Variants in PIK3C2A observed in about 807,000 individuals in gnomAD.
PIK3C2A encodes phosphatidylinositol 4-phosphate 3-kinase C2 domain-containing subunit alpha.
A neutral mutation model predicts 204.5 loss-of-function variants in PIK3C2A; 97 were observed. The ratio of observed to expected loss-of-function variants is 0.47; its 90% confidence interval spans 0.40 to 0.56. PIK3C2A has a LOEUF of 0.56. PIK3C2A is among the 20% of genes least tolerant of loss of function. The probability of loss-of-function intolerance (pLI) is 0.00; values close to 1 mark genes in which losing one functional copy is unlikely to be tolerated. For missense variants in PIK3C2A, 1,735 were observed against 1,969.2 expected, an observed-to-expected ratio of 0.88 and a Z score of 2.25; for synonymous variants, 653 against 664.4, an observed-to-expected ratio of 0.98 and a Z score of 0.26.
chr11:17,200,496 A>AC (rs1277473238), intron 1 of PIK3C2A, among the ~76,000 whole-genome samples: 2 of 152,212 alleles, frequency 1.3e-5, no homozygotes, highest in Non-Finnish European at 2.9e-5. Flanking sequence ...GCCAGTCTCA[A>AC]AAGGCTATAT....
chr11:17,122,228 CT>C lies in PIK3C2A; in HGVS notation c.2616del (p.Lys874AsnfsTer40). On this transcript the variant is annotated frameshift_variant, in exon 15 of 33. Coordinates refer to ENST00000691414, the MANE Select transcript of PIK3C2A (RefSeq NM_002645.4). LOFTEE classifies it high-confidence loss of function. Reference sequence around the variant, plus strand: ...TTATGAAGAATATCAAGAAGTTTCCCTTTTATATCATTCTCTAGTGTTTCTA... The same window carrying C: ...TTATGAAGAATATCAAGAAGTTTCCCTTTATATCATTCTCTAGTGTTTCTA... ...HNLETLENDI[K>X]GKLLDILHKD... 3 of 1,569,504 alleles carry C rather than the reference CT, an allele frequency of 1.9e-6. No homozygotes were observed. The highest frequency in any genetic ancestry group is 2.6e-6 in the Non-Finnish European group (3 of 1,141,766).
At chr11:17,103,149 G>C (rs1021159574) in intron 23 of PIK3C2A, among the ~76,000 whole-genome samples, 5 of 151,358 alleles carry the variant, frequency 3.3e-5, no homozygotes, top group Admixed American at 2.0e-4. Context: ...GCACCTCTCT[G>C]ACTCTGCTGC....
chr11:17,199,052 G>A (rs1370584845), intron 1 of PIK3C2A, among the ~76,000 whole-genome samples: 1 of 151,588 alleles, frequency 6.6e-6, no homozygotes, highest in African/African-American at 2.4e-5. Context: ...CTGGGAGGCA[G>A]AGGTTGCAGT....
chr11:17,089,703 CT>C lies in PIK3C2A; in HGVS notation c.*34del, dbSNP rs749470322. On this transcript the variant is annotated 3_prime_UTR_variant, in exon 33 of 33. Coordinates refer to ENST00000691414, the MANE Select transcript of PIK3C2A (RefSeq NM_002645.4). The stretch of plus-strand genomic sequence containing the variant: ...TGCATGTATGCATGCACGTTTATAA[CT>C]GTTCATGCTTCCAAAGCTCAAACAT... 1.4e-6 allele frequency: 2 copies of C among 1,447,360 alleles called. No homozygotes were observed. The highest frequency in any genetic ancestry group is 1.9e-6 in the Non-Finnish European group (2 of 1,034,898). The allele number at this position is 1,447,360 out of a possible 1,614,324, so 89.7% of individuals were successfully genotyped here. A position where few individuals can be genotyped will look rare whatever the true frequency, so the allele number is the denominator to read the frequency against.
At chr11:17,143,677 G>A (rs1477556539) in intron 8 of PIK3C2A, among the ~76,000 whole-genome samples, 1 of 150,218 alleles carries the variant, frequency 6.7e-6, no homozygotes, top group Non-Finnish European at 1.5e-5. Context: ...AGTGGCTCAC[G>A]CCCAATTCCA....
chr11:17,108,878 T>C (rs1269595676), intron 22 of PIK3C2A, among the ~76,000 whole-genome samples: 1 of 152,186 alleles, frequency 6.6e-6, no homozygotes, highest in African/African-American at 2.4e-5. Flanking sequence ...GCTGAAGAAT[T>C]TGGAATTCAG....
chr11:17,114,574 G>A (rs1235866704), intron 19 of PIK3C2A, 109 bp from the exon 20 acceptor site: 2 of 577,252 alleles, frequency 3.5e-6, no homozygotes, highest in Admixed American at 2.7e-5. Context: ...GTCAAACGGT[G>A]AAAAAAAGGT....
At chr11:17,184,759 T>A (rs1851696451) in intron 1 of PIK3C2A, among the ~76,000 whole-genome samples, 1 of 151,962 alleles carries the variant, frequency 6.6e-6, no homozygotes, top group South Asian at 2.1e-4. Flanking sequence ...TGTAGCGAGA[T>A]CACCTTTCTC....
chr11:17,147,545 C>G lies in PIK3C2A; in HGVS notation c.1532G>C (p.Ser511Thr), dbSNP rs766256061. ...TCGGGCCAGATTTTGACACATTGCA[C>G]TGAAGGTCAAGAGTTGTAGTCTAAT... ...TEIRLQLLTF[S>T]AMCQNLARTA... The change falls in exon 6 of 33, where the codon AGT (serine) becomes ACT (threonine). Residue 511 changes from serine (S) to threonine (T), a missense_variant. By Grantham distance (58) the Ser-to-Thr change is moderately conservative. Coordinates refer to ENST00000691414, the MANE Select transcript of PIK3C2A (RefSeq NM_002645.4). 3.7e-6 allele frequency: 6 copies of G among 1,609,734 alleles called. No individual in the cohort carries two copies. Among genetic ancestry groups the G allele is most frequent in the Admixed American group, 3.3e-5 (2 of 60,006 alleles).
At chr11:17,187,233 G>C (rs181812850) in intron 1 of PIK3C2A, among the ~76,000 whole-genome samples, 1 of 152,174 alleles carries the variant, frequency 6.6e-6, no homozygotes, top group Admixed American at 6.6e-5. Flanking sequence ...ATTAGCACAT[G>C]AAGACTGGTA....
At chr11:17,112,536 T>C (rs773660393) in intron 21 of PIK3C2A, 38 bp downstream of exon 21, 1 of 965,242 alleles carries the variant, frequency 1.0e-6, no homozygotes, top group South Asian at 1.6e-5. Flanking sequence ...AAAAAATTTC[T>C]AAATTGCCAT....
chr11:17,184,613 C>T (rs969140180), intron 1 of PIK3C2A, among the ~76,000 whole-genome samples: 8 of 152,204 alleles, frequency 5.3e-5, no homozygotes, highest in African/African-American at 1.9e-4. Context: ...AAAAAGGTTA[C>T]AGTAAGCTAA....
intron 30 of PIK3C2A, 51 bp from the exon 31 acceptor site, chr11:17,091,707 C>A: frequency 8.2e-7 from 1 of 1,224,574 alleles, no homozygotes; most frequent in African/African-American, 1.5e-5. Context: ...GTGGTTCAAG[C>A]TGCAATAAAA....
At position 17,122,193 on chromosome 11, in the gene PIK3C2A, T is replaced by C. The variant is rs1367003147; in HGVS notation, c.2652A>G (p.Ser884=). The part of the protein sequence containing the change: ...KLLDILHKDS[S]LGLSKEDKAF... ...ACAGAATAAACAGAACATACCCAAG[T>C]GATGAGTCTTTATGAAGAATATCAA... Residue 884 remains serine, a synonymous_variant, in exon 15 of 33, where the codon TCA becomes TCG. Coordinates refer to ENST00000691414, the MANE Select transcript of PIK3C2A (RefSeq NM_002645.4). 6.3e-7 allele frequency: 1 copy of C among 1,582,014 alleles called. No individual in the cohort carries two copies. The highest frequency in any genetic ancestry group is 8.7e-7 in the Non-Finnish European group (1 of 1,154,084).
rs955377358 is a variant in PIK3C2A, at chr11:17,089,155, T to C, written c.*583A>G. ...TTACAACATCAGTGATTGGCACTTA[T>C]TCTGAAAAAGGCTTTAAAGACATGA... On this transcript the variant is annotated 3_prime_UTR_variant, in exon 33 of 33. Transcript: ENST00000691414. The C allele has an allele frequency of 3.3e-5, 5 of 152,228 alleles. No individual in the cohort carries two copies. The highest frequency in any genetic ancestry group is 1.2e-4 in the African/African-American group (5 of 41,462). The allele number at this position is 152,228 out of a possible 1,614,324, so 9.4% of individuals were successfully genotyped here.
At chr11:17,092,424 T>C (rs914063896) in intron 28 of PIK3C2A, 148 bp from the exon 29 acceptor site, 10 of 603,724 alleles carry the variant, frequency 1.7e-5, no homozygotes, top group Non-Finnish European at 2.6e-5. Flanking sequence ...TCATGGCCTT[T>C]GGGAGGCCAA....
At position 17,168,916 on chromosome 11, in the gene PIK3C2A, G is replaced by C. The variant is rs1331004977; in HGVS notation, c.826C>G (p.Leu276Val). ...ACATTATCCACCTTAGGCTTACTTA[G>C]AGGATCCAAGTCTAACCAGTCAAAT... ...SKFDWLDLDP[L>V]SKPKVDNVEV... The change falls in exon 2 of 33, where the codon CTA (leucine) becomes GTA (valine). Residue 276 changes from leucine (L) to valine (V), a missense_variant. Leu to Val is a conservative substitution (Grantham distance 32, BLOSUM62 1). Transcript: ENST00000691414. 8 of 1,613,956 alleles carry C rather than the reference G, an allele frequency of 5.0e-6. No individual in the cohort carries two copies. Among genetic ancestry groups the C allele is most frequent in the South Asian group, 1.1e-5 (1 of 91,082 alleles).
chr11:17,149,055 G>A (rs1850345815), intron 4 of PIK3C2A, among the ~76,000 whole-genome samples: 1 of 151,860 alleles, frequency 6.6e-6, no homozygotes, highest in South Asian at 2.1e-4. Context: ...CACCAATCTT[G>A]GAACAAAAAT....
chr11:17,181,409 C>A (rs1369635281), intron 1 of PIK3C2A, among the ~76,000 whole-genome samples: 2 of 151,408 alleles, frequency 1.3e-5, no homozygotes, highest in Non-Finnish European at 2.9e-5. Flanking sequence ...CAAATGGATC[C>A]ACTAGAGTTG....
Sources: allele counts gnomAD v4.1 joint callset (sites outside exome capture counted in the v4.1 genomes callset), GRCh38; gene constraint gnomAD v4.1.1; transcripts MANE v1.5; gene names NCBI Gene and HGNC (gene_info 2026-07-23, HGNC 2026-07-21).